The following PATJ variants were observed in gnomAD, a reference collection of about 807,000 sequenced individuals.
The protein encoded by PATJ is PATJ crumbs cell polarity complex component.
PATJ carries 190 observed loss-of-function variants against 224.9 expected under a neutral mutation model. The ratio of observed to expected loss-of-function variants is 0.84; its 90% confidence interval spans 0.75 to 0.95. PATJ has a LOEUF of 0.95. Ranked by LOEUF, PATJ falls within the 40% of genes least tolerant of loss-of-function variation. The pLI is 0.00. For missense variants in PATJ, 2,121 were observed against 2,270.3 expected, an observed-to-expected ratio of 0.93 and a Z score of 1.34; for synonymous variants, 769 against 820.3, an observed-to-expected ratio of 0.94 and a Z score of 1.07.
Position 61,952,390 on chromosome 1 carries a change from A to G in PATJ, c.3670+24561A>G, listed in dbSNP as rs943247585. 7.5e-5 allele frequency: 54 copies of G among 717,038 alleles called. 2 individuals carry two copies. Among genetic ancestry groups the G allele is most frequent in the South Asian group, 2.1e-4 (14 of 67,538 alleles). 44.4% of individuals were successfully genotyped at this position (717,038 alleles called of 1,614,324 possible). ...CAGATACCCTGAAGGGAACACAACA[A>G]TGGTCCAAGGGGGTTTCCCAGGTAA... is the stretch of plus-strand genomic sequence containing the variant. On this transcript the variant is annotated intron_variant, in intron 27 of 43. Transcript: ENST00000642238.
intron 31 of PATJ, among the ~76,000 whole-genome samples, chr1:62,078,472 G>A (rs1237947559): frequency 1.3e-5 from 2 of 151,986 alleles, no homozygotes; most frequent in Non-Finnish European, 2.9e-5. Context: ...TTTCAGTAGA[G>A]ATGGGGTTTC....
At chr1:61,858,553 C>T (rs983233413) in intron 18 of PATJ, among the ~76,000 whole-genome samples, 1 of 152,172 alleles carries the variant, frequency 6.6e-6, no homozygotes, top group Non-Finnish European at 1.5e-5. Flanking sequence ...TGAGCCACCA[C>T]AGCTGGCCAT....
chr1:62,060,649 G>A lies in PATJ; in HGVS notation c.4125+9591G>A, dbSNP rs118035834. ...TGGTAGGTGGGAGGGAGTGAGGATC[G>A]TATTAGATAATGTAAGTAAATCTCT... On this transcript the variant is annotated intron_variant, in intron 31 of 43. Transcript: ENST00000642238. Among the ~76,000 whole-genome samples the A allele has an allele frequency of 1.8e-4, 27 of 152,190 alleles. 1 individual carries two copies. In the East Asian group the frequency reaches 4.4e-3, roughly 25 times the overall value.
rs1280302586 is a variant in PATJ, at chr1:61,797,357, T to A, written c.1331T>A (p.Val444Glu). 1 of 1,613,966 alleles carries A rather than the reference T, an allele frequency of 6.2e-7. No individual in the cohort carries two copies. Among genetic ancestry groups the A allele is most frequent in the South Asian group, 1.1e-5 (1 of 91,074 alleles). The change falls in exon 11 of 44, where the codon GTG (valine) becomes GAG (glutamate). Residue 444 changes from valine (V) to glutamate (E), a missense_variant. Transcript: ENST00000642238. Reference protein sequence around the residue: ...VVEVLRNAGQVVHLTLVRRKT... With the variant: ...VVEVLRNAGQEVHLTLVRRKT... Reference sequence around the variant, plus strand: ...GAAGTATTACGAAATGCAGGGCAGGTGGTACACCTAACCCTAGTTCGAAGG... The same window carrying A: ...GAAGTATTACGAAATGCAGGGCAGGAGGTACACCTAACCCTAGTTCGAAGG...
At chr1:61,838,521 A>AT (rs34877280) in intron 17 of PATJ, among the ~76,000 whole-genome samples, 25,553 of 115,748 alleles carry the variant, frequency 0.22, 2,921 homozygotes, top group Middle Eastern at 0.33. Flanking sequence ...CGCCTGGCTA[A>AT]TTTTTTTTTT....
At chr1:62,114,575 C>G in intron 35 of PATJ, 1 of 213,084 alleles carries the variant, frequency 4.7e-6, no homozygotes, top group Non-Finnish European at 9.1e-6. Context: ...AAATAGCTAG[C>G]ATCAAGAATG....
At chr1:61,816,820 G>A (rs1656201448) in intron 14 of PATJ, among the ~76,000 whole-genome samples, 3 of 152,126 alleles carry the variant, frequency 2.0e-5, no homozygotes, top group Admixed American at 6.6e-5. Flanking sequence ...AACTATAGTA[G>A]CAGTGGTTAC....
In PATJ at chr1:62,117,217, A is replaced by G; in HGVS notation, c.4889A>G (p.Gln1630Arg). The G allele has an allele frequency of 1.2e-6, 2 of 1,614,084 alleles. No individual in the cohort carries two copies. Among genetic ancestry groups the G allele is most frequent in the Non-Finnish European group, 1.7e-6 (2 of 1,179,970 alleles). ...GCAAGGACGACATCACAGAACAGTC[A>G]GGTTGTCGATGGCTTCTCATCAGAC... Reference protein sequence around the residue: ...TSARTTSQNSQGSQQSAHSSC... With the variant: ...TSARTTSQNSRGSQQSAHSSC... Residue 1630 changes from glutamine (Q) to arginine (R), a missense_variant and splice_region_variant, in exon 37 of 44, where the codon CAG becomes CGG. Physicochemically the swap from Gln to Arg is conservative, Grantham distance 43 (BLOSUM62 1). Coordinates refer to ENST00000642238, the MANE Select transcript of PATJ (RefSeq NM_001350145.3).
chr1:62,145,043 G>A (rs1235237114), intron 41 of PATJ, among the ~76,000 whole-genome samples: 2 of 151,984 alleles, frequency 1.3e-5, no homozygotes, highest in Non-Finnish European at 2.9e-5. Flanking sequence ...TTGAACTCCT[G>A]AGCTCAAGTG....
intron 28 of PATJ, among the ~76,000 whole-genome samples, chr1:62,005,180 G>A (rs7521447): frequency 0.038 from 5,736 of 151,218 alleles, 289 homozygotes; most frequent in African/African-American, 0.11. Context: ...CTGTCACCCA[G>A]GTTGGAGAGC....
At chr1:62,154,649 C>CAAAA (rs61670416) in intron 43 of PATJ, among the ~76,000 whole-genome samples, 8 of 131,618 alleles carry the variant, frequency 6.1e-5, no homozygotes, top group East Asian at 4.5e-4. Context: ...CAATCCATCT[C>CAAAA]AAAAAAAAAA....
At chr1:62,084,673 TC>T in intron 33 of PATJ, 25 bp downstream of exon 33, 1 of 1,610,936 alleles carries the variant, frequency 6.2e-7, no homozygotes, top group South Asian at 1.1e-5. Context: ...ATAAAATGTA[TC>T]CACTGTCATA....
rs559744975 is a variant in PATJ at position 61,746,899 on chromosome 1, A to T, written c.-36+4344A>T. Among the ~76,000 whole-genome samples, 20 of 152,348 alleles carry T rather than the reference A, an allele frequency of 1.3e-4. No homozygotes were observed. The South Asian group carries it at 3.9e-3, about 30-fold the overall frequency. On this transcript the variant is annotated intron_variant, in intron 1 of 43. Transcript: ENST00000642238. ...GAGAAAAATCTGTATATATGTTCTC[A>T]TAGTGAATTCACATTTAGAACCTTG...
chr1:61,838,309 G>A (rs1038015361), intron 17 of PATJ, among the ~76,000 whole-genome samples: 137 of 151,856 alleles, frequency 9.0e-4, no homozygotes, highest in African/African-American at 3.1e-3. Flanking sequence ...CAAACAATGC[G>A]TGTAATTTGT....
intron 27 of PATJ, chr1:61,952,324 G>A: frequency 1.4e-6 from 1 of 696,636 alleles, no homozygotes; most frequent in Middle Eastern, 2.3e-4. Flanking sequence ...TCTGTGGTGA[G>A]GATTTGAGCT....
chr1:62,042,237 A>G (rs1360338259), intron 30 of PATJ, among the ~76,000 whole-genome samples: 1 of 152,190 alleles, frequency 6.6e-6, no homozygotes, highest in Admixed American at 6.5e-5. Context: ...CGATGTTTCT[A>G]TTGAACCATC....
intron 27 of PATJ, among the ~76,000 whole-genome samples, chr1:61,961,797 C>T (rs1049150873): frequency 4.0e-5 from 6 of 151,770 alleles, no homozygotes; most frequent in Non-Finnish European, 8.8e-5. Context: ...GGCGAAACCC[C>T]GTCTCTACTA....
chr1:61,905,611 C>T (rs921072358), intron 24 of PATJ, among the ~76,000 whole-genome samples: 18 of 152,214 alleles, frequency 1.2e-4, no homozygotes, highest in Middle Eastern at 6.8e-3. Context: ...GGATAAACAC[C>T]CAAGGGTGCA....
chr1:61,907,827 A>T (rs1571228289), intron 24 of PATJ, among the ~76,000 whole-genome samples: 1 of 152,360 alleles, frequency 6.6e-6, no homozygotes, highest in East Asian at 1.9e-4. Context: ...ATAATAAGGA[A>T]CTGTTTACAC....
Sources: allele counts gnomAD v4.1 joint callset (sites outside exome capture counted in the v4.1 genomes callset), GRCh38; gene constraint gnomAD v4.1.1; transcripts MANE v1.5; gene names NCBI Gene and HGNC (gene_info 2026-07-23, HGNC 2026-07-21).